The following ECT2L variants were observed in gnomAD, a reference collection of about 807,000 sequenced individuals.
ECT2L encodes epithelial cell-transforming sequence 2 oncogene-like.
ECT2L carries 126 observed loss-of-function variants against 122.8 expected under a neutral mutation model. The observed-to-expected ratio is 1.03, with a 90% CI of 0.89 to 1.19. The LOEUF (loss-of-function observed/expected upper bound fraction) is 1.19. ECT2L is among the 50% of genes most tolerant of loss of function. The pLI, the probability that ECT2L is intolerant of heterozygous loss-of-function variation, is 0.00. For synonymous variants in ECT2L, 385 were observed against 381.8 expected, an observed-to-expected ratio of 1.01 and a Z score of -0.10; for missense variants, 1,012 against 1,064.1, an observed-to-expected ratio of 0.95 and a Z score of 0.68.
intron 10 of ECT2L, 96 bp downstream of exon 10, chr6:138,854,250 T>C (rs1178825574): frequency 7.3e-7 from 1 of 1,360,638 alleles, no homozygotes; most frequent in Admixed American, 2.4e-5. Flanking sequence ...AATGATTCAG[T>C]CACATTTCAC....
At chr6:138,873,228 T>C (rs951285539) in intron 13 of ECT2L, among the ~76,000 whole-genome samples, 10 of 131,668 alleles carry the variant, frequency 7.6e-5, no homozygotes, top group African/African-American at 2.8e-4. Flanking sequence ...GGAAATTTGA[T>C]TAAAAAAAAT....
intron 20 of ECT2L, among the ~76,000 whole-genome samples, chr6:138,893,699 G>GGCGT (rs1417464864): frequency 6.6e-6 from 1 of 152,156 alleles, no homozygotes; most frequent in Non-Finnish European, 1.5e-5. Flanking sequence ...TGTGATTACA[G>GGCGT]GCGTGAGCCA....
chr6:138,878,547 AGT>A, intron 14 of ECT2L, among the ~76,000 whole-genome samples: 1 of 152,292 alleles, frequency 6.6e-6, no homozygotes, highest in East Asian at 1.9e-4. Flanking sequence ...CCCAGGTTCC[AGT>A]GATTCTACTG....
intron 4 of ECT2L, among the ~76,000 whole-genome samples, chr6:138,824,745 T>C (rs1038207992): frequency 5.3e-5 from 8 of 151,952 alleles, no homozygotes; most frequent in Admixed American, 5.2e-4. Flanking sequence ...GTTGAGGAGA[T>C]GGGGAGATTC....
At chr6:138,818,778 C>A (rs558023840) in intron 4 of ECT2L, among the ~76,000 whole-genome samples, 1 of 152,060 alleles carries the variant, frequency 6.6e-6, no homozygotes, top group Non-Finnish European at 1.5e-5. Context: ...TCTGAATACA[C>A]TGACCCAACA....
intron 11 of ECT2L, among the ~76,000 whole-genome samples, chr6:138,862,934 C>T (rs912078414): frequency 1.3e-5 from 2 of 152,104 alleles, no homozygotes; most frequent in Non-Finnish European, 2.9e-5. Context: ...CATATTTGCC[C>T]CAAATCATCA....
At chr6:138,860,707 ATTTTTTT>A (rs35611410) in intron 10 of ECT2L, among the ~76,000 whole-genome samples, 214 of 135,790 alleles carry the variant, frequency 1.6e-3, no homozygotes, top group African/African-American at 5.5e-3. Context: ...TGAAGGGGCT[ATTTTTTT>A]TTTTTTTTTT....
chr6:138,897,406 T>A (rs571154747), intron 20 of ECT2L, among the ~76,000 whole-genome samples: 2 of 152,292 alleles, frequency 1.3e-5, no homozygotes, highest in South Asian at 4.2e-4. Flanking sequence ...GTATTAGATA[T>A]CATAAGTAAC....
intron 20 of ECT2L, among the ~76,000 whole-genome samples, chr6:138,896,544 A>G (rs1779219662): frequency 6.6e-6 from 1 of 152,194 alleles, no homozygotes; most frequent in African/African-American, 2.4e-5. Context: ...GGGGACCCCA[A>G]ACGCCACTGT....
chr6:138,806,530 T>TTTTTTTTTTGTG (rs1775717540), intron 1 of ECT2L, among the ~76,000 whole-genome samples: 1 of 147,616 alleles, frequency 6.8e-6, no homozygotes, highest in Non-Finnish European at 1.5e-5. Context: ...TTTTTTTTTT[T>TTTTTTTTTTGTG]GAGATGGAGT....
chr6:138,879,249 A>G, intron 14 of ECT2L: 1 of 257,248 alleles, frequency 3.9e-6, no homozygotes, highest in Non-Finnish European at 7.8e-6. Context: ...TGCACCAAGG[A>G]ACCATCCTGC....
intron 10 of ECT2L, among the ~76,000 whole-genome samples, chr6:138,854,683 T>G (rs1022823737): frequency 2.0e-5 from 3 of 152,200 alleles, no homozygotes; most frequent in African/African-American, 7.2e-5. Flanking sequence ...GATGACATAT[T>G]TAAATAATAA....
At chr6:138,886,373 C>A (rs574571724) in intron 18 of ECT2L, among the ~76,000 whole-genome samples, 1 of 152,186 alleles carries the variant, frequency 6.6e-6, no homozygotes, top group East Asian at 1.9e-4. Flanking sequence ...TTGTCACTTG[C>A]CTTTGTTTTA....
intron 10 of ECT2L, among the ~76,000 whole-genome samples, chr6:138,854,946 G>A (rs1323463529): frequency 2.0e-5 from 3 of 152,024 alleles, no homozygotes; most frequent in Non-Finnish European, 4.4e-5. Context: ...CAGGGGAGAG[G>A]GAATGTGAAA....
At chr6:138,822,505 A>G (rs1279369087) in intron 4 of ECT2L, among the ~76,000 whole-genome samples, 1 of 152,186 alleles carries the variant, frequency 6.6e-6, no homozygotes. Flanking sequence ...CAGTGAACCG[A>G]GATTATACCA....
At chr6:138,822,878 C>T (rs545653429) in intron 4 of ECT2L, 87 of 1,613,958 alleles carry the variant, frequency 5.4e-5, no homozygotes, top group Non-Finnish European at 7.1e-5. Flanking sequence ...AAGTTTTCCT[C>T]CCTGTATTCC....
intron 4 of ECT2L, among the ~76,000 whole-genome samples, chr6:138,830,044 T>C (rs1189420719): frequency 6.6e-6 from 1 of 152,214 alleles, no homozygotes; most frequent in African/African-American, 2.4e-5. Context: ...TGTTTTAGAA[T>C]GGAATAATCC....
In ECT2L at chr6:138,845,985, TGCTTGA is replaced by T. The variant is rs534586578; in HGVS notation, c.765-551_765-546del. 2.6e-3 allele frequency among the ~76,000 whole-genome samples: 392 copies of T among 152,222 alleles called. 4 individuals are homozygous for T. The highest frequency in any genetic ancestry group is 8.9e-3 in the African/African-American group (368 of 41,544). The stretch of plus-strand genomic sequence containing the variant: ...ACTCAGGAGGCTGAGGTGGAAGGAT[TGCTTGA>T]GCCTGGGAAGTTGAGGCTGCAGTGA... On this transcript the variant is annotated intron_variant, in intron 7 of 21. Transcript: ENST00000541398.
chr6:138,835,931 C>T (rs1003257255), intron 4 of ECT2L, among the ~76,000 whole-genome samples: 2 of 152,160 alleles, frequency 1.3e-5, no homozygotes, highest in African/African-American at 4.8e-5. Context: ...TTCCTTGTCT[C>T]TTATGACTTG....
Sources: gnomAD v4.1 joint callset for allele counts (sites outside exome capture counted in the v4.1 genomes callset) on GRCh38, gnomAD v4.1.1 for gene constraint, MANE v1.5 for transcripts, NCBI Gene and HGNC (gene_info 2026-07-23, HGNC 2026-07-21) for gene names.